MED15: variants seen among roughly 807,000 people sequenced by gnomAD.
MED15 encodes the protein mediator of RNA polymerase II transcription subunit 15.
A neutral mutation model predicts 118.7 loss-of-function variants in MED15; 41 were observed. The observed-to-expected ratio is 0.35, with a 90% confidence interval of 0.27 to 0.45. The LOEUF (loss-of-function observed/expected upper bound fraction) is 0.45. Among genes scored for constraint, MED15 ranks in the 20% least tolerant of loss-of-function variants. The pLI is 1.00. For missense variants in MED15, 740 were observed against 1,025.5 expected (o/e 0.72, Z 3.80); for synonymous variants, 436 against 413.9 (o/e 1.05, Z -0.65).
chr22:20,570,377 C>A (rs933082874), intron 8 of MED15, among the ~76,000 whole-genome samples: 10 of 147,580 alleles, frequency 6.8e-5, no homozygotes, highest in African/African-American at 2.3e-4. Flanking sequence ...CTGCTCTTTT[C>A]TTTATTTCTT....
chr22:20,562,590 G>A (rs2056285666), intron 5 of MED15, among the ~76,000 whole-genome samples: 1 of 152,062 alleles, frequency 6.6e-6, no homozygotes, highest in South Asian at 2.1e-4. Flanking sequence ...TGCCATGTTG[G>A]CCAAGCTGGT....
intron 2 of MED15, among the ~76,000 whole-genome samples, chr22:20,547,707 C>G (rs1601546503): frequency 6.6e-6 from 1 of 152,130 alleles, no homozygotes; most frequent in African/African-American, 2.4e-5. Flanking sequence ...GTAGTGCCAG[C>G]TACTTGGGAG....
chr22:20,531,073 A>G (rs2054843539), intron 1 of MED15, among the ~76,000 whole-genome samples: 1 of 152,126 alleles, frequency 6.6e-6, no homozygotes, highest in African/African-American at 2.4e-5. Context: ...TGTGCAAAGG[A>G]AGGATAGGGA....
chr22:20,539,964 G>A (rs573049168), intron 2 of MED15, among the ~76,000 whole-genome samples: 180 of 152,230 alleles, frequency 1.2e-3, no homozygotes, highest in African/African-American at 4.1e-3. Flanking sequence ...TATGCATTTG[G>A]ATATAAGTCT....
chr22:20,532,469 C>G (rs1169692795), intron 1 of MED15, among the ~76,000 whole-genome samples: 5 of 152,144 alleles, frequency 3.3e-5, no homozygotes, highest in African/African-American at 1.2e-4. Context: ...TGAATCGGTC[C>G]CCTGGGAGGC....
chr22:20,522,676 G>A (rs1000605876), intron 1 of MED15: 1 of 152,322 alleles, frequency 6.6e-6, no homozygotes, highest in African/African-American at 2.4e-5. Flanking sequence ...TGATGATGTG[G>A]GGAGTGGGTG....
intron 14 of MED15, 66 bp from the exon 15 acceptor site, chr22:20,584,789 G>A: frequency 6.3e-7 from 1 of 1,580,000 alleles, no homozygotes; most frequent in Non-Finnish European, 8.6e-7. Flanking sequence ...GGCCTGGGGT[G>A]TGAAGGCCCC....
In MED15 at chr22:20,566,561, A is replaced by AGCAGGC. The variant is rs1365091260; in HGVS notation, c.786_787insCAGGCG (p.Gln262_Ala263insGlnAla). On this transcript the variant is annotated inframe_insertion, in exon 7 of 18. Coordinates refer to ENST00000263205, the MANE Select transcript of MED15 (RefSeq NM_001003891.3). ...CAGCAGCAGCAGCAGCAGCAGCAGC[A>AGCAGGC]GGCTTTGCAGGCCCAGCCACCAATT... 2 of 1,613,322 alleles carry AGCAGGC rather than the reference A, an allele frequency of 1.2e-6. No individual in the cohort carries two copies. The highest frequency in any genetic ancestry group is 1.7e-6 in the Non-Finnish European group (2 of 1,179,842).
At chr22:20,539,142 A>G (rs1426042465) in intron 2 of MED15, among the ~76,000 whole-genome samples, 1 of 152,130 alleles carries the variant, frequency 6.6e-6, no homozygotes. Flanking sequence ...TCTGTCACCC[A>G]GGCTGGAGTG....
intron 5 of MED15, among the ~76,000 whole-genome samples, chr22:20,559,822 T>C (rs374881862): frequency 6.6e-6 from 1 of 152,224 alleles, no homozygotes; most frequent in Non-Finnish European, 1.5e-5. Flanking sequence ...TTTTTTATCC[T>C]TTTTCCAATA....
At chr22:20,521,569 AT>A (rs1202180909) in intron 1 of MED15, among the ~76,000 whole-genome samples, 1 of 85,616 alleles carries the variant, frequency 1.2e-5, no homozygotes, top group Non-Finnish European at 2.4e-5. Flanking sequence ...TTTTTTTTGT[AT>A]TTTTTTTAGT....
chr22:20,562,673 C>T (rs1252530482), intron 5 of MED15, among the ~76,000 whole-genome samples: 5 of 151,962 alleles, frequency 3.3e-5, no homozygotes, highest in African/African-American at 7.3e-5. Context: ...AGAACCACCG[C>T]GACCCGCCGG....
Position 20,581,253 on chromosome 22 carries a change from G to A in MED15, c.1273-1358G>A, listed in dbSNP as rs6003267. ...ATTTCGCTCCAGGAGCTTGGTCCAC[G>A]TGGTGCTGAAAGGGCAGTGCCACCC... On this transcript the variant is annotated intron_variant, in intron 9 of 17. Coordinates refer to ENST00000263205, the MANE Select transcript of MED15 (RefSeq NM_001003891.3). 3.8e-3 allele frequency among the ~76,000 whole-genome samples: 576 copies of A among 152,306 alleles called. 8 individuals carry two copies. Among genetic ancestry groups the A allele is most frequent in the African/African-American group, 0.012 (481 of 41,566 alleles).
chr22:20,537,303 G>A, intron 2 of MED15, 99 bp downstream of exon 2: 1 of 1,035,820 alleles, frequency 9.7e-7, no homozygotes. Context: ...AGGGTGTAGG[G>A]GTGGGGTGGT....
At chr22:20,584,463 C>A (rs772264218) in intron 14 of MED15, 38 bp downstream of exon 14, 2 of 1,601,298 alleles carry the variant, frequency 1.2e-6, no homozygotes, top group Non-Finnish European at 1.7e-6. Context: ...GGAACCAGGG[C>A]TCTCCTAAGA....
intron 5 of MED15, among the ~76,000 whole-genome samples, chr22:20,558,521 C>T (rs1488199398): frequency 6.6e-6 from 1 of 152,144 alleles, no homozygotes; most frequent in African/African-American, 2.4e-5. Flanking sequence ...TTTTATATGA[C>T]GTGCATGTAA....
chr22:20,554,444 CAG>C (rs2055909226), intron 4 of MED15: 1 of 153,480 alleles, frequency 6.5e-6, no homozygotes, highest in Admixed American at 6.5e-5. Context: ...GCCCTGCACA[CAG>C]GGGCCCAGGC....
rs529693968 is a variant in MED15, at chr22:20,576,792, G to A, written c.1272+1560G>A. ...ATGGCCTGGAGGCTGTGAGTTCCAC[G>A]ACCTGCTCACATGCTGCTGGTGTCT... On this transcript the variant is annotated intron_variant, in intron 9 of 17. Coordinates refer to ENST00000263205, the MANE Select transcript of MED15 (RefSeq NM_001003891.3). 1.2e-4 allele frequency among the ~76,000 whole-genome samples: 19 copies of A among 152,288 alleles called. No individual in the cohort carries two copies. The East Asian group carries it at 3.1e-3, about 25-fold the overall frequency.
At chr22:20,582,771 TC>T in intron 10 of MED15, 24 bp downstream of exon 10, 1 of 1,541,064 alleles carries the variant, frequency 6.5e-7, no homozygotes, top group Non-Finnish European at 8.8e-7. Context: ...GGGGTGCCCC[TC>T]CCCACCTGGC....
Sources: allele counts gnomAD v4.1 joint callset (sites outside exome capture counted in the v4.1 genomes callset), GRCh38; gene constraint gnomAD v4.1.1; transcripts MANE v1.5; gene names NCBI Gene and HGNC (gene_info 2026-07-23, HGNC 2026-07-21).